Variants in FUT8 observed in about 807,000 individuals in gnomAD.
FUT8 encodes fucosyltransferase 8, also known as alpha-(1,6)-fucosyltransferase.
A neutral mutation model predicts 71.3 loss-of-function variants in FUT8; 29 were observed. The observed-to-expected ratio is 0.41, with a 90% CI of 0.30 to 0.55. FUT8 has a LOEUF of 0.55. FUT8 is among the 20% of genes least tolerant of loss of function. The pLI is 0.34. For missense variants in FUT8, 544 were observed against 702.1 expected, an observed-to-expected ratio of 0.77 and a Z score of 2.55; for synonymous variants, 254 against 239.3, an observed-to-expected ratio of 1.06 and a Z score of -0.57.
intron 3 of FUT8, among the ~76,000 whole-genome samples, chr14:65,605,204 C>T (rs1213998049): frequency 3.3e-5 from 5 of 151,882 alleles, no homozygotes; most frequent in Non-Finnish European, 7.4e-5. Context: ...GATACATTCT[C>T]AGTCTTATTA....
At chr14:65,411,923 GCTGCTCTGGGGCAGCCCTTCGGTCCA>G (rs1392917789), upstream of FUT8, 26 of 413,150 alleles carry the variant, frequency 6.3e-5, no homozygotes, top group Admixed American at 7.4e-4. Context: ...GGCGGTCTGG[GCTGCTCTGGGGCAGCCCTTCGGTCCA>G]CTGCTCTGCA....
chr14:65,425,460 G>A (rs1348389675), intron 1 of FUT8, among the ~76,000 whole-genome samples: 1 of 143,692 alleles, frequency 7.0e-6, no homozygotes, highest in Admixed American at 7.0e-5. Context: ...GAGCCACCAT[G>A]CCTGGCCGTT....
the FUT8 span, among the ~76,000 whole-genome samples, chr14:65,388,184 G>A: frequency 9.7e-3 from 1,478 of 152,284 alleles, 25 homozygotes; most frequent in African/African-American, 0.034. Context: ...AGCAAATTTA[G>A]GAGGGAAGAT....
At chr14:65,730,971 T>G (rs1334804881) in intron 9 of FUT8, among the ~76,000 whole-genome samples, 1 of 152,234 alleles carries the variant, frequency 6.6e-6, no homozygotes, top group Non-Finnish European at 1.5e-5. Context: ...ATGAGTTCTT[T>G]CTAAAAGTAG....
In FUT8 at chr14:65,668,036, C is replaced by A. The variant is rs571413862; in HGVS notation, c.598-1207C>A. Among the ~76,000 whole-genome samples, 14 of 152,258 alleles carry A rather than the reference C, an allele frequency of 9.2e-5. No individual in the cohort carries two copies. In the South Asian group the frequency reaches 2.7e-3, roughly 29 times the overall value. ...GTTAGCTATATGCATAAGATTGAAA[C>A]TGGACCCCTTCCTTTCACTATATAC... On this transcript the variant is annotated intron_variant, in intron 6 of 10. Transcript: ENST00000673929.
At chr14:65,631,844 G>A (rs997508413) in intron 6 of FUT8, among the ~76,000 whole-genome samples, 9 of 151,842 alleles carry the variant, frequency 5.9e-5, no homozygotes, top group Admixed American at 2.6e-4. Flanking sequence ...TTCATCGCTC[G>A]CTCCCCTCCC....
intron 6 of FUT8, among the ~76,000 whole-genome samples, chr14:65,658,289 TAAAAA>T (rs1891789079): frequency 1.3e-5 from 2 of 152,080 alleles, no homozygotes. Context: ...ATGACTAAAA[TAAAAA>T]ATGCCAAGAA....
intron 7 of FUT8, among the ~76,000 whole-genome samples, chr14:65,674,400 C>T (rs1892614500): frequency 6.6e-6 from 1 of 152,148 alleles, no homozygotes; most frequent in Non-Finnish European, 1.5e-5. Context: ...TCATGATACT[C>T]ATTATCTACC....
intron 2 of FUT8, chr14:65,529,245 T>C (rs1883760239): frequency 6.6e-6 from 1 of 152,544 alleles, no homozygotes; most frequent in Non-Finnish European, 1.5e-5. Context: ...TTTTCTTTTT[T>C]TTTGACACAG....
chr14:65,609,361 C>CTTT (rs1271299388), intron 3 of FUT8, among the ~76,000 whole-genome samples: 1 of 150,778 alleles, frequency 6.6e-6, no homozygotes, highest in African/African-American at 2.4e-5. Flanking sequence ...CTGTGTCTTT[C>CTTT]TAAAAGAAGA....
intron 2 of FUT8, among the ~76,000 whole-genome samples, chr14:65,556,854 C>G (rs1885611191): frequency 6.6e-6 from 1 of 152,116 alleles, no homozygotes. Flanking sequence ...TTTATTTAAG[C>G]CTTTTCCAGT....
chr14:65,376,815 G>A, the FUT8 span, among the ~76,000 whole-genome samples: 22 of 152,290 alleles, frequency 1.4e-4, no homozygotes, highest in Middle Eastern at 3.4e-3. Context: ...CTCCATGTTT[G>A]ATGGGACTCA....
intron 3 of FUT8, among the ~76,000 whole-genome samples, chr14:65,588,426 A>G (rs1319625111): frequency 6.6e-6 from 1 of 152,132 alleles, no homozygotes; most frequent in Non-Finnish European, 1.5e-5. Context: ...TCTCATACCA[A>G]ATTATCGCTG....
intron 6 of FUT8, among the ~76,000 whole-genome samples, chr14:65,632,224 T>C (rs557659082): frequency 1.5e-4 from 23 of 152,304 alleles, no homozygotes; most frequent in African/African-American, 5.5e-4. Context: ...AACGACTCCT[T>C]TTACTGGGTA....
chr14:65,372,020 A>G, the FUT8 span, among the ~76,000 whole-genome samples: 9 of 152,252 alleles, frequency 5.9e-5, no homozygotes, highest in Non-Finnish European at 1.3e-4. Context: ...TCAGTATCAC[A>G]GAGCACATCT....
At chr14:65,408,759 T>A (rs1029779067), upstream of FUT8, among the ~76,000 whole-genome samples, 4 of 152,200 alleles carry the variant, frequency 2.6e-5, no homozygotes, top group African/African-American at 9.7e-5. Flanking sequence ...TTTACTCTTG[T>A]AATGGGAAAG....
At chr14:65,668,807 A>C (rs1262181991) in intron 6 of FUT8, among the ~76,000 whole-genome samples, 1 of 152,202 alleles carries the variant, frequency 6.6e-6, no homozygotes, top group African/African-American at 2.4e-5. Context: ...AGACTGAAAA[A>C]AGAAAATGTG....
chr14:65,454,995 A>G (rs769740562), intron 1 of FUT8, among the ~76,000 whole-genome samples: 4 of 152,316 alleles, frequency 2.6e-5, no homozygotes, highest in Non-Finnish European at 5.9e-5. Flanking sequence ...TGATTATGTC[A>G]GCTCTCAGGC....
rs189023668 is a variant in FUT8, at chr14:65,525,663, A to G, written c.-227-35674A>G. 1.0e-3 allele frequency among the ~76,000 whole-genome samples: 155 copies of G among 152,268 alleles called. 1 individual carries two copies. Among genetic ancestry groups the G allele is most frequent in the Middle Eastern group, 6.8e-3 (2 of 294 alleles). On this transcript the variant is annotated intron_variant, in intron 2 of 10. Coordinates refer to ENST00000673929, the MANE Select transcript of FUT8 (RefSeq NM_001371533.1). ...TTTTAATTCTGATGTTAGGGTGTCA[A>G]TGTTAGATCTTTCCTGCTTTCTCTT...
Sources: gnomAD v4.1 joint callset for allele counts (sites outside exome capture counted in the v4.1 genomes callset) on GRCh38, gnomAD v4.1.1 for gene constraint, MANE v1.5 for transcripts, NCBI Gene and HGNC (gene_info 2026-07-23, HGNC 2026-07-21) for gene names.